Variants in RIGI observed in about 807,000 individuals in gnomAD.
RIGI encodes antiviral innate immune response receptor RIG-I.
chr9:32,516,632 T>A, the RIGI span, among the ~76,000 whole-genome samples: 1 of 152,188 alleles, frequency 6.6e-6, no homozygotes, highest in Non-Finnish European at 1.5e-5. Context: ...GACAGCAAGA[T>A]CTGCTCAATT....
chr9:32,492,406 A>C, the RIGI span: 1 of 1,614,116 alleles, frequency 6.2e-7, no homozygotes, highest in African/African-American at 1.3e-5. Context: ...TCTACAATCC[A>C]CAGTTCACTG....
At chr9:32,523,769 C>A in the RIGI span, among the ~76,000 whole-genome samples, 1 of 151,984 alleles carries the variant, frequency 6.6e-6, no homozygotes, top group East Asian at 1.9e-4. Context: ...AAGTCAAAGT[C>A]GTTTTTCTAC....
the RIGI span, among the ~76,000 whole-genome samples, chr9:32,512,077 T>C: frequency 1.3e-5 from 2 of 151,794 alleles, no homozygotes; most frequent in East Asian, 1.9e-4. Context: ...GTGGCAGTAA[T>C]GGCCTACCAA....
the RIGI span, chr9:32,493,673 T>C: frequency 1.1e-6 from 1 of 871,320 alleles, no homozygotes. Context: ...TTCAATGATC[T>C]TTCTCAGGTC....
the RIGI span, among the ~76,000 whole-genome samples, chr9:32,479,475 TTAA>T: frequency 1.3e-5 from 2 of 152,154 alleles, no homozygotes; most frequent in Admixed American, 6.5e-5. Flanking sequence ...TTTTGTTTGT[TTAA>T]TATCTATTTT....
chr9:32,489,744 A>T, the RIGI span, among the ~76,000 whole-genome samples: 1 of 152,226 alleles, frequency 6.6e-6, no homozygotes, highest in Non-Finnish European at 1.5e-5. Context: ...CATTCAGGGT[A>T]AGACAAGCTG....
chr9:32,468,084 ATCT>A, the RIGI span: 1 of 632,488 alleles, frequency 1.6e-6, no homozygotes, highest in Non-Finnish European at 2.5e-6. Context: ...AGGCAGTGGG[ATCT>A]ATTCCTATGC....
chr9:32,480,140 A>C, the RIGI span: 1 of 1,483,472 alleles, frequency 6.7e-7, no homozygotes, highest in African/African-American at 1.4e-5. Flanking sequence ...TATATATATT[A>C]AATGCAATAC....
chr9:32,520,606 A>G, the RIGI span, among the ~76,000 whole-genome samples: 1 of 152,136 alleles, frequency 6.6e-6, no homozygotes. Flanking sequence ...CCCAGGAACT[A>G]TTGCACAAAA....
the RIGI span, among the ~76,000 whole-genome samples, chr9:32,522,962 C>A: frequency 1.3e-5 from 2 of 152,158 alleles, no homozygotes; most frequent in African/African-American, 4.8e-5. Flanking sequence ...CCAGGCCTCT[C>A]AAAAGGTATA....
At chr9:32,482,974 C>T in the RIGI span, among the ~76,000 whole-genome samples, 1 of 152,106 alleles carries the variant, frequency 6.6e-6, no homozygotes, top group African/African-American at 2.4e-5. Flanking sequence ...TAGAATCGGC[C>T]CTCAAAAGAC....
the RIGI span, among the ~76,000 whole-genome samples, chr9:32,510,188 T>G: frequency 6.6e-5 from 10 of 152,174 alleles, 1 homozygote; most frequent in African/African-American, 2.4e-4. Context: ...CAGGAGAACG[T>G]CCCCAACCTA....
At chr9:32,481,973 C>T in the RIGI span, among the ~76,000 whole-genome samples, 1 of 152,178 alleles carries the variant, frequency 6.6e-6, no homozygotes, top group Non-Finnish European at 1.5e-5. Context: ...TGGATTCAGA[C>T]TGGTGAAAAG....
chr9:32,504,783 TAA>T, the RIGI span, among the ~76,000 whole-genome samples: 3 of 137,140 alleles, frequency 2.2e-5, no homozygotes, highest in Admixed American at 2.3e-4. Context: ...ATAAAATATA[TAA>T]AATATATTTA....
the RIGI span, among the ~76,000 whole-genome samples, chr9:32,494,284 TTTA>T: frequency 7.9e-5 from 12 of 152,118 alleles, no homozygotes; most frequent in Non-Finnish European, 1.5e-4. Context: ...AGTCAACAGG[TTTA>T]TTAAGTATCT....
chr9:32,472,904 CAT>C, the RIGI span: 2 of 916,652 alleles, frequency 2.2e-6, no homozygotes, highest in Non-Finnish European at 3.2e-6. Context: ...TACACACACA[CAT>C]ATACATACAC....
the RIGI span, chr9:32,481,588 C>A: frequency 4.0e-6 from 3 of 756,960 alleles, no homozygotes; most frequent in Non-Finnish European, 3.8e-6. Context: ...TTTTCTTTTT[C>A]TTTTTTTTTT....
chr9:32,492,574 C>T, the RIGI span: 1 of 1,610,524 alleles, frequency 6.2e-7, no homozygotes. Context: ...GATCAATTAT[C>T]TCAAAAGTTT....
the RIGI span, among the ~76,000 whole-genome samples, chr9:32,507,272 A>G: frequency 6.6e-6 from 1 of 152,210 alleles, no homozygotes; most frequent in Non-Finnish European, 1.5e-5. Context: ...AATTTATTAA[A>G]TATTTATCTG....
Sources: gnomAD v4.1 joint callset for allele counts (sites outside exome capture counted in the v4.1 genomes callset) on GRCh38, gnomAD v4.1.1 for gene constraint, MANE v1.5 for transcripts, NCBI Gene and HGNC (gene_info 2026-07-23, HGNC 2026-07-21) for gene names.